MYRIP: variants seen among roughly 807,000 people sequenced by gnomAD.
MYRIP encodes the protein rab effector MyRIP.
In MYRIP, 49 loss-of-function variants were observed where a neutral mutation model predicts 98.0. The ratio of observed to expected loss-of-function variants is 0.50; its 90% confidence interval spans 0.40 to 0.63. The LOEUF is 0.63. MYRIP is among the 30% of genes least tolerant of loss of function. The probability of loss-of-function intolerance (pLI) is 0.00; values close to 1 mark genes in which losing one functional copy is unlikely to be tolerated. For synonymous variants in MYRIP, 404 were observed against 409.5 expected (o/e 0.99, Z 0.16); for missense variants, 1,004 against 1,058.2 (o/e 0.95, Z 0.71).
At chr3:40,114,527 A>T (rs1575548425) in intron 3 of MYRIP, among the ~76,000 whole-genome samples, 1 of 152,240 alleles carries the variant, frequency 6.6e-6, no homozygotes, top group East Asian at 1.9e-4. Context: ...AATCTTACAA[A>T]TATGGGCTAG....
chr3:39,872,553 G>A (rs1350791854), intron 1 of MYRIP, among the ~76,000 whole-genome samples: 1 of 136,246 alleles, frequency 7.3e-6, no homozygotes, highest in Non-Finnish European at 1.5e-5. Flanking sequence ...TGTTCTCATT[G>A]TTCAATTCCC....
At chr3:39,854,553 T>A (rs927395538) in intron 1 of MYRIP, among the ~76,000 whole-genome samples, 2 of 152,168 alleles carry the variant, frequency 1.3e-5, no homozygotes, top group African/African-American at 4.8e-5. Flanking sequence ...CTGTACTGTT[T>A]TTTAAAATTT....
intron 3 of MYRIP, among the ~76,000 whole-genome samples, chr3:40,070,536 C>G (rs921948437): frequency 8.5e-5 from 13 of 152,166 alleles, no homozygotes; most frequent in Admixed American, 7.2e-4. Flanking sequence ...GGTCCTCAAC[C>G]CCCAGACTGA....
In MYRIP at chr3:40,244,613, A is replaced by T. The variant is rs1953127678; in HGVS notation, c.2262+6A>T. ...TCCACCATGCTGAACTCCAGGTGAGAACTCTCCTCTCTGCCCACATGGGTC... is the reference window on the plus strand; with the variant it reads ...TCCACCATGCTGAACTCCAGGTGAGTACTCTCCTCTCTGCCCACATGGGTC... On this transcript the variant is annotated splice_donor_region_variant and intron_variant, in intron 13 of 16. Coordinates refer to ENST00000302541, the MANE Select transcript of MYRIP (RefSeq NM_015460.4). The T allele has an allele frequency of 1.2e-6, 2 of 1,608,548 alleles. No homozygotes were observed. Among genetic ancestry groups the T allele is most frequent in the Non-Finnish European group, 1.7e-6 (2 of 1,177,478 alleles).
intron 3 of MYRIP, among the ~76,000 whole-genome samples, chr3:40,074,347 TACAGGCATGAC>T (rs997814509): frequency 6.6e-6 from 1 of 152,142 alleles, no homozygotes; most frequent in Non-Finnish European, 1.5e-5. Flanking sequence ...GTGCTGGGAT[TACAGGCATGAC>T]AGAAACTCCT....
At chr3:39,947,856 G>A (rs923819779) in intron 2 of MYRIP, among the ~76,000 whole-genome samples, 8 of 152,102 alleles carry the variant, frequency 5.3e-5, no homozygotes, top group Admixed American at 1.3e-4. Context: ...TAGCAAGATC[G>A]CCAGGTGATT....
At chr3:39,984,193 GTTTA>G (rs1428606530) in intron 2 of MYRIP, among the ~76,000 whole-genome samples, 3 of 145,662 alleles carry the variant, frequency 2.1e-5, no homozygotes, top group South Asian at 2.2e-4. Flanking sequence ...TGTAAGGAAA[GTTTA>G]TTTTATTTTA....
intron 12 of MYRIP, among the ~76,000 whole-genome samples, chr3:40,238,025 C>T (rs1952869431): frequency 6.6e-6 from 1 of 152,180 alleles, no homozygotes; most frequent in Admixed American, 6.5e-5. Context: ...AATACATCCA[C>T]TTACAGACTG....
Position 40,212,127 on chromosome 3 carries a change from C to T in MYRIP, c.1905+2034C>T, listed in dbSNP as rs1363471080. Among the ~76,000 whole-genome samples, 5 of 14,846 alleles carry T rather than the reference C, an allele frequency of 3.4e-4. 1 individual carries two copies. Among genetic ancestry groups the T allele is most frequent in the East Asian group, 1.7e-3 (1 of 604 alleles). The allele number at this position is 14,846 out of a possible 152,430, so 9.7% of individuals were successfully genotyped here. A position where few individuals can be genotyped will look rare whatever the true frequency, so the allele number is the denominator to read the frequency against. ...GTGTATATATATATACATATATATA[C>T]GTGTATATATATATACATATATATA... On this transcript the variant is annotated intron_variant, in intron 11 of 16. Transcript: ENST00000302541.
intron 3 of MYRIP, among the ~76,000 whole-genome samples, chr3:40,119,744 A>C (rs1180634460): frequency 6.6e-6 from 1 of 152,084 alleles, no homozygotes; most frequent in Non-Finnish European, 1.5e-5. Context: ...CAGGAAGGGG[A>C]ACATCACACT....
chr3:39,899,292 T>A (rs912514843), intron 1 of MYRIP, among the ~76,000 whole-genome samples: 1 of 152,228 alleles, frequency 6.6e-6, no homozygotes, highest in East Asian at 1.9e-4. Flanking sequence ...TGTTGATGAA[T>A]GTACCTATTG....
At chr3:40,179,788 C>A (rs766841147) in intron 8 of MYRIP, among the ~76,000 whole-genome samples, 1 of 152,158 alleles carries the variant, frequency 6.6e-6, no homozygotes, top group African/African-American at 2.4e-5. Context: ...CAGTGCACAA[C>A]GATAACAGTG....
chr3:39,860,136 T>C (rs1281255978), intron 1 of MYRIP, among the ~76,000 whole-genome samples: 2 of 152,190 alleles, frequency 1.3e-5, no homozygotes, highest in African/African-American at 4.8e-5. Flanking sequence ...CACAAAACTG[T>C]TAGAACTAAT....
chr3:40,179,564 A>G (rs1950841526), intron 8 of MYRIP, among the ~76,000 whole-genome samples: 1 of 152,170 alleles, frequency 6.6e-6, no homozygotes, highest in Non-Finnish European at 1.5e-5. Flanking sequence ...TTACAGTGAG[A>G]AGCTTGTAGA....
intron 3 of MYRIP, among the ~76,000 whole-genome samples, chr3:40,140,345 CT>C (rs1294924947): frequency 6.6e-6 from 1 of 152,208 alleles, no homozygotes; most frequent in East Asian, 1.9e-4. Flanking sequence ...TATACCACAT[CT>C]TTTATCCCTT....
intron 3 of MYRIP, among the ~76,000 whole-genome samples, chr3:40,058,421 C>T (rs772261427): frequency 2.6e-5 from 4 of 152,180 alleles, no homozygotes; most frequent in Non-Finnish European, 5.9e-5. Context: ...TGTACTGTAT[C>T]TCAATAGGCA....
chr3:39,874,468 G>A (rs13320870), intron 1 of MYRIP, among the ~76,000 whole-genome samples: 6,049 of 152,138 alleles, frequency 0.04, 296 homozygotes, highest in East Asian at 0.13. Context: ...TATGATATTG[G>A]CTGTGGGTTT....
chr3:39,957,064 G>A (rs1225025785), intron 2 of MYRIP, among the ~76,000 whole-genome samples: 2 of 151,794 alleles, frequency 1.3e-5, no homozygotes, highest in Non-Finnish European at 2.9e-5. Context: ...AAAAGTCCAG[G>A]ACCAGATGGA....
At chr3:39,900,977 G>A (rs765356962) in intron 2 of MYRIP, 51 bp downstream of exon 2, 15 of 1,398,850 alleles carry the variant, frequency 1.1e-5, no homozygotes, top group Non-Finnish European at 2.0e-6. Context: ...ATGTGGACAA[G>A]CGTAACAGGT....
Sources: allele counts gnomAD v4.1 joint callset (sites outside exome capture counted in the v4.1 genomes callset), GRCh38; gene constraint gnomAD v4.1.1; transcripts MANE v1.5; gene names NCBI Gene and HGNC (gene_info 2026-07-23, HGNC 2026-07-21).